PTPRK: variants seen among roughly 807,000 people sequenced by gnomAD.
PTPRK encodes receptor-type tyrosine-protein phosphatase kappa.
In PTPRK, 75 loss-of-function variants were observed where a neutral mutation model predicts 178.0. That is an observed-to-expected ratio of 0.42 (90% CI 0.35 to 0.51). The LOEUF is 0.51. Ranked by LOEUF, PTPRK falls within the 20% of genes least tolerant of loss-of-function variation. The pLI, the probability that PTPRK is intolerant of heterozygous loss-of-function variation, is 0.02. For missense variants in PTPRK, 1,441 were observed against 1,797.8 expected, an observed-to-expected ratio of 0.80 and a Z score of 3.59; for synonymous variants, 637 against 620.6, an observed-to-expected ratio of 1.03 and a Z score of -0.39.
intron 29 of PTPRK, among the ~76,000 whole-genome samples, chr6:127,971,631 G>A (rs1270128434): frequency 6.6e-6 from 1 of 152,060 alleles, no homozygotes; most frequent in Non-Finnish European, 1.5e-5. Flanking sequence ...CAAATCAGAG[G>A]GTGGGGTGTT....
chr6:128,331,665 A>C (rs1830296555), intron 2 of PTPRK, among the ~76,000 whole-genome samples: 1 of 152,168 alleles, frequency 6.6e-6, no homozygotes, highest in Non-Finnish European at 1.5e-5. Context: ...TCTTCTAATG[A>C]GGTCTATCCC....
chr6:128,434,846 T>A (rs1167268199), intron 1 of PTPRK, among the ~76,000 whole-genome samples: 1 of 151,300 alleles, frequency 6.6e-6, no homozygotes, highest in Non-Finnish European at 1.5e-5. Context: ...ATAGCAAGAA[T>A]CTGTCTCTAC....
intron 1 of PTPRK, among the ~76,000 whole-genome samples, chr6:128,451,276 G>A (rs555014462): frequency 5.3e-5 from 8 of 152,238 alleles, no homozygotes; most frequent in African/African-American, 1.9e-4. Context: ...TCCAAATCAT[G>A]CATAGGTAAA....
Position 128,083,768 on chromosome 6 carries a change from A to T in PTPRK, c.1522T>A (p.Phe508Ile), listed in dbSNP as rs1562552976. ...LQGTSFENKIFLNWKEPLDPN... is the reference protein window; with the variant it reads ...LQGTSFENKIILNWKEPLDPN... ...TCCAAAGGTTCTTTCCAGTTCAAGA[A>T]GATCTTATTTTCAAAGGATGTTCCT... Residue 508 changes from phenylalanine (F) to isoleucine (I), a missense_variant, in exon 9 of 30, where the codon TTC becomes ATC. This residue lies in a region of PTPRK where 945 missense variants were observed against 1,080.6 expected (regional missense o/e 0.87). Transcript: ENST00000368226. 1.2e-6 allele frequency: 2 copies of T among 1,607,414 alleles called. No individual in the cohort carries two copies. The highest frequency in any genetic ancestry group is 1.7e-6 in the Non-Finnish European group (2 of 1,176,210).
At chr6:128,157,480 T>C (rs1264150046) in intron 7 of PTPRK, among the ~76,000 whole-genome samples, 2 of 152,016 alleles carry the variant, frequency 1.3e-5, no homozygotes, top group East Asian at 3.9e-4. Context: ...ACTTGATATT[T>C]GTTTTGGATT....
chr6:128,413,618 G>C lies in PTPRK; in HGVS notation c.101-15930C>G, dbSNP rs567134121. ...CTGGACTATTCAGATGGAATGGCACGGCACATTTGAGAAATTAGATCTTTC... is the reference window on the plus strand; with the variant it reads ...CTGGACTATTCAGATGGAATGGCACCGCACATTTGAGAAATTAGATCTTTC... On this transcript the variant is annotated intron_variant, in intron 1 of 29. Coordinates refer to ENST00000368226, the MANE Select transcript of PTPRK (RefSeq NM_002844.4). Among the ~76,000 whole-genome samples, 5 of 152,232 alleles carry C rather than the reference G, an allele frequency of 3.3e-5. No individual in the cohort carries two copies. In the South Asian group the frequency reaches 1.0e-3, roughly 32 times the overall value.
chr6:128,386,189 A>G (rs1838692685), intron 2 of PTPRK, among the ~76,000 whole-genome samples: 2 of 152,144 alleles, frequency 1.3e-5, no homozygotes, highest in Non-Finnish European at 1.5e-5. Flanking sequence ...TTTACTTTCA[A>G]TGGCAGATAA....
intron 3 of PTPRK, among the ~76,000 whole-genome samples, chr6:128,275,308 A>G (rs1410372189): frequency 6.6e-6 from 1 of 152,022 alleles, no homozygotes; most frequent in Non-Finnish European, 1.5e-5. Context: ...ATGTTTGTTT[A>G]CCTTTTTCTA....
At chr6:128,417,621 C>G (rs927461783) in intron 1 of PTPRK, among the ~76,000 whole-genome samples, 4 of 152,188 alleles carry the variant, frequency 2.6e-5, no homozygotes, top group Non-Finnish European at 5.9e-5. Context: ...ATTCTGACTT[C>G]ACTAACATAT....
At chr6:128,395,575 C>T (rs1286541811) in intron 2 of PTPRK, among the ~76,000 whole-genome samples, 1 of 152,104 alleles carries the variant, frequency 6.6e-6, no homozygotes, top group Non-Finnish European at 1.5e-5. Context: ...AGCCCACCCA[C>T]ATCCTTTAAT....
chr6:128,022,385 GT>G (rs750461457), intron 13 of PTPRK, among the ~76,000 whole-genome samples: 12 of 152,048 alleles, frequency 7.9e-5, no homozygotes, highest in Non-Finnish European at 1.3e-4. Context: ...GGTCCCTTAC[GT>G]TTCTTCTCTT....
Position 128,397,608 on chromosome 6 carries a change from T to C in PTPRK, c.181A>G (p.Ser61Gly). The change falls in exon 2 of 30, where the codon AGT becomes GGT. Residue 61 changes from serine to glycine, a missense_variant. Physicochemically the swap from Ser to Gly is moderately conservative, Grantham distance 56. Transcript: ENST00000368226. ...LYDDFEWVHV[S>G]AQEPHYLPPE... ...GGTAGATAATGAGGCTCTTGAGCACTAACATGCACCCATTCAAAGTCATCA... is the reference window on the plus strand; with the variant it reads ...GGTAGATAATGAGGCTCTTGAGCACCAACATGCACCCATTCAAAGTCATCA... The C allele has an allele frequency of 6.2e-7, 1 of 1,613,974 alleles. No homozygotes were observed. The highest frequency in any genetic ancestry group is 1.1e-5 in the South Asian group (1 of 91,078).
chr6:128,011,201 T>C (rs1195036050), intron 13 of PTPRK, among the ~76,000 whole-genome samples: 1 of 151,182 alleles, frequency 6.6e-6, no homozygotes, highest in South Asian at 2.1e-4. Context: ...AAGTTTGATG[T>C]AGAAATCTCT....
At chr6:128,362,108 A>C (rs956953230) in intron 2 of PTPRK, among the ~76,000 whole-genome samples, 2 of 152,188 alleles carry the variant, frequency 1.3e-5, no homozygotes, top group African/African-American at 4.8e-5. Flanking sequence ...ACTGGTTCAC[A>C]GTTCTGCAAG....
intron 7 of PTPRK, among the ~76,000 whole-genome samples, chr6:128,160,725 C>A (rs1196191887): frequency 6.6e-6 from 1 of 151,240 alleles, no homozygotes; most frequent in Non-Finnish European, 1.5e-5. Flanking sequence ...CAGTGCACTG[C>A]AAATAATAAA....
intron 1 of PTPRK, among the ~76,000 whole-genome samples, chr6:128,492,398 A>C (rs1261727209): frequency 6.6e-6 from 1 of 152,206 alleles, no homozygotes; most frequent in Non-Finnish European, 1.5e-5. Flanking sequence ...TACATATTTA[A>C]GCAACTGCCT....
intron 1 of PTPRK, among the ~76,000 whole-genome samples, chr6:128,450,713 T>G (rs1847677536): frequency 6.6e-6 from 1 of 152,248 alleles, no homozygotes. Context: ...TTCACTGACA[T>G]GCAATCATAG....
intron 13 of PTPRK, among the ~76,000 whole-genome samples, chr6:128,011,628 A>G (rs1264573496): frequency 6.6e-6 from 1 of 151,102 alleles, no homozygotes; most frequent in East Asian, 1.9e-4. Flanking sequence ...AGCAGCTTTA[A>G]TACTATTACC....
chr6:128,147,314 T>C lies in PTPRK; in HGVS notation c.1162+37118A>G, dbSNP rs567854815. Among the ~76,000 whole-genome samples the C allele has an allele frequency of 7.9e-5, 12 of 152,294 alleles. No individual in the cohort carries two copies. The South Asian group carries it at 2.3e-3, about 29-fold the overall frequency. On this transcript the variant is annotated intron_variant, in intron 7 of 29. Transcript: ENST00000368226. ...ACAATAACATTTTACAGAGTTTTTT[T>C]AACTTGGAATTAGAAGATACCAGGA...
Sources: gnomAD v4.1 joint callset for allele counts (sites outside exome capture counted in the v4.1 genomes callset) on GRCh38, gnomAD v4.1.1 for gene constraint, gnomAD v4.1.1 regional missense constraint, MANE v1.5 for transcripts, NCBI Gene and HGNC (gene_info 2026-07-23, HGNC 2026-07-21) for gene names.